CAPRIN2: variants seen among roughly 807,000 people sequenced by gnomAD.
The protein encoded by CAPRIN2 is caprin-2.
Under a neutral mutation model 130.4 loss-of-function variants are expected in CAPRIN2, and 66 were observed. The observed-to-expected ratio is 0.51, with a 90% CI of 0.42 to 0.62. The LOEUF (loss-of-function observed/expected upper bound fraction) is 0.62. Among genes scored for constraint, CAPRIN2 ranks in the 20% least tolerant of loss-of-function variants. CAPRIN2 has a pLI of 0.00. For missense variants in CAPRIN2, 1,185 were observed against 1,246.6 expected (o/e 0.95, Z 0.74); for synonymous variants, 471 against 444.1 (o/e 1.06, Z -0.76).
chr12:30,751,965 C>T (rs2074171670), intron 1 of CAPRIN2, among the ~76,000 whole-genome samples: 1 of 135,918 alleles, frequency 7.4e-6, no homozygotes, highest in Admixed American at 8.4e-5. Context: ...GTTGCCCAGG[C>T]TGGAGTGCAG....
exon 1 of CAPRIN2, chr12:30,753,808 T>C: frequency 6.6e-7 from 1 of 1,519,738 alleles, no homozygotes; most frequent in Non-Finnish European, 8.8e-7. Flanking sequence ...AAGGATAGCC[T>C]TTACATAGGC....
At chr12:30,732,866 A>G (rs1259824814) in intron 5 of CAPRIN2, among the ~76,000 whole-genome samples, 3 of 152,110 alleles carry the variant, frequency 2.0e-5, no homozygotes, top group African/African-American at 7.2e-5. Context: ...CTAGAAGACT[A>G]ATTGCTTAGC....
rs148370081 is a variant in CAPRIN2 at position 30,734,371 on chromosome 12, C to T, written c.809+597G>A. ...AACAAAGCAAGAGCACAGCATCTGTCCCCTAGCTGATTTACTCCATCAAAA... is the reference window on the plus strand; with the variant it reads ...AACAAAGCAAGAGCACAGCATCTGTTCCCTAGCTGATTTACTCCATCAAAA... On this transcript the variant is annotated intron_variant, in intron 4 of 16. Transcript: ENST00000298892. Among the ~76,000 whole-genome samples, 352 of 152,280 alleles carry T rather than the reference C, an allele frequency of 2.3e-3. 2 individuals carry two copies. Among genetic ancestry groups the T allele is most frequent in the African/African-American group, 7.5e-3 (310 of 41,562 alleles).
At chr12:30,723,584 A>G (rs2060041968) in intron 10 of CAPRIN2, among the ~76,000 whole-genome samples, 1 of 152,206 alleles carries the variant, frequency 6.6e-6, no homozygotes. Context: ...AAGAACTAAG[A>G]CATTTAAAAA....
At position 30,710,993 on chromosome 12, in the gene CAPRIN2, T is replaced by G. The variant is rs1292952181; in HGVS notation, c.2666-523A>C. Among the ~76,000 whole-genome samples the G allele has an allele frequency of 6.6e-6, 1 of 152,328 alleles. No individual in the cohort carries two copies. Among genetic ancestry groups the G allele is most frequent in the South Asian group, 2.1e-4 (1 of 4,828 alleles). ...TACACTTGTAATGTTTTAAGTGCCA[T>G]ACAAAAACACTGCTCACACTAAGGC... On this transcript the variant is annotated intron_variant, in intron 16 of 16. Transcript: ENST00000298892. The surrounding 1 kb of genome is among the most constrained non-coding windows in gnomAD (Gnocchi z 4.8).
At chr12:30,720,398 C>T (rs35133495) in intron 12 of CAPRIN2, 33,181 of 154,988 alleles carry the variant, frequency 0.21, 3,731 homozygotes, top group East Asian at 0.3. Context: ...ATATTTTTGA[C>T]AAAGTTAGCC....
At chr12:30,736,860 G>C (rs1393821710) in intron 3 of CAPRIN2, among the ~76,000 whole-genome samples, 2 of 152,086 alleles carry the variant, frequency 1.3e-5, no homozygotes, top group Admixed American at 1.3e-4. Flanking sequence ...CATGGTATAG[G>C]GAAAAGCAAC....
Position 30,710,339 on chromosome 12 carries a change from T to C in CAPRIN2, c.2797A>G (p.Thr933Ala), listed in dbSNP as rs1407267158. 8.1e-6 allele frequency: 13 copies of C among 1,613,972 alleles called. No homozygotes were observed. The highest frequency in any genetic ancestry group is 1.0e-5 in the Non-Finnish European group (12 of 1,180,038). Reference sequence around the variant, plus strand: ...GGGTAGACGTGTACTGGCAGTATGGTGGCTGCTGGATTTGTCACTGGCACA... The same window carrying C: ...GGGTAGACGTGTACTGGCAGTATGGCGGCTGCTGGATTTGTCACTGGCACA... The change falls in exon 17 of 17, where the codon ACC becomes GCC. Residue 933 changes from threonine (T) to alanine (A), a missense_variant. Thr to Ala is a moderately conservative substitution (Grantham distance 58). Coordinates refer to ENST00000298892, the Ensembl canonical transcript of CAPRIN2. This position sits in a 1 kb window ranked among gnomAD's most constrained non-coding sequence, Gnocchi z 4.8.
intron 15 of CAPRIN2, among the ~76,000 whole-genome samples, chr12:30,711,974 G>A (rs1591893241): frequency 6.6e-6 from 1 of 152,052 alleles, no homozygotes. Context: ...CAGTATAAAA[G>A]GACATCATAA....
chr12:30,745,769 A>G (rs748414232), intron 2 of CAPRIN2, among the ~76,000 whole-genome samples: 1 of 152,116 alleles, frequency 6.6e-6, no homozygotes, highest in Admixed American at 6.5e-5. Context: ...CTAAAAGCTG[A>G]TTTTGGGTGG....
At chr12:30,753,805 G>C (rs759638982) in exon 1 of CAPRIN2, 2 of 1,532,110 alleles carry the variant, frequency 1.3e-6, no homozygotes, top group East Asian at 2.3e-5. Context: ...AATAAGGATA[G>C]CCTTTACATA....
intron 3 of CAPRIN2, among the ~76,000 whole-genome samples, chr12:30,738,331 A>T (rs1411324432): frequency 6.6e-6 from 1 of 152,070 alleles, no homozygotes; most frequent in Non-Finnish European, 1.5e-5. Context: ...AACAGATAAG[A>T]CACTATATTC....
At chr12:30,720,755 A>C in intron 12 of CAPRIN2, 56 bp downstream of exon 13, 1 of 990,942 alleles carries the variant, frequency 1.0e-6, no homozygotes, top group South Asian at 1.3e-5. Flanking sequence ...TCATAAGATA[A>C]ACTGGTTCTG....
chr12:30,713,492 C>A (rs1366375546), intron 15 of CAPRIN2, among the ~76,000 whole-genome samples: 1 of 152,164 alleles, frequency 6.6e-6, no homozygotes, highest in Non-Finnish European at 1.5e-5. Flanking sequence ...AGTTATTTAA[C>A]CTCTGAACCC....
At chr12:30,751,636 T>A (rs1441232268) in intron 1 of CAPRIN2, 1 of 161,626 alleles carries the variant, frequency 6.2e-6, no homozygotes, top group African/African-American at 2.4e-5. Context: ...CGAAGAATTA[T>A]CCTGTACAAA....
At chr12:30,728,813 T>C in exon 8 of CAPRIN2, 2 of 1,614,188 alleles carry the variant, frequency 1.2e-6, no homozygotes, top group East Asian at 2.2e-5. Context: ...CTGGCTGTTT[T>C]GAATCCTGTT....
At chr12:30,721,303 T>G (rs1381994050) in intron 11 of CAPRIN2, among the ~76,000 whole-genome samples, 1 of 152,098 alleles carries the variant, frequency 6.6e-6, no homozygotes, top group African/African-American at 2.4e-5. Flanking sequence ...CACGGGAAGG[T>G]GAGCTCCGGG....
intron 5 of CAPRIN2, 131 bp downstream of exon 6, chr12:30,733,498 C>T: frequency 1.5e-6 from 1 of 652,872 alleles, no homozygotes; most frequent in South Asian, 1.8e-5. Context: ...GATCATTCTC[C>T]CAGTGAATAT....
At chr12:30,724,585 A>C (rs1298851216) in intron 9 of CAPRIN2, 134 bp from the exon 11 acceptor site, 1 of 606,300 alleles carries the variant, frequency 1.6e-6, no homozygotes, top group African/African-American at 1.9e-5. Context: ...ATAGGTATCT[A>C]GCTAATCACT....
Sources: allele counts gnomAD v4.1 joint callset (sites outside exome capture counted in the v4.1 genomes callset), GRCh38; gene constraint gnomAD v4.1.1; non-coding constraint Gnocchi (gnomAD v3.1); transcripts MANE v1.5; gene names NCBI Gene and HGNC (gene_info 2026-07-23, HGNC 2026-07-21).